PDS5A: variants seen among roughly 807,000 people sequenced by gnomAD.
PDS5A encodes the protein PDS5 cohesin associated factor A, also known as sister chromatid cohesion protein PDS5 homolog A.
Under a neutral mutation model 167.1 loss-of-function variants are expected in PDS5A, and 42 were observed. The ratio of observed to expected loss-of-function variants is 0.25; its 90% CI spans 0.20 to 0.33. PDS5A has a LOEUF of 0.33. PDS5A is among the 10% of genes least tolerant of loss of function. The pLI is 1.00. For synonymous variants in PDS5A, 553 were observed against 554.6 expected, an observed-to-expected ratio of 1.00 and a Z score of 0.04; for missense variants, 1,033 against 1,605.9, an observed-to-expected ratio of 0.64 and a Z score of 6.10.
At chr4:39,919,794 T>C (rs1389958414) in intron 7 of PDS5A, among the ~76,000 whole-genome samples, 5 of 151,854 alleles carry the variant, frequency 3.3e-5, no homozygotes, top group African/African-American at 1.2e-4. Context: ...CCAGAACAAA[T>C]TCCTCAGTAA....
At chr4:39,895,554 G>C (rs1451218151) in intron 16 of PDS5A, among the ~76,000 whole-genome samples, 1 of 152,210 alleles carries the variant, frequency 6.6e-6, no homozygotes, top group Non-Finnish European at 1.5e-5. Flanking sequence ...AGTAAGTGGT[G>C]AGTGAATGTG....
intron 10 of PDS5A, among the ~76,000 whole-genome samples, chr4:39,909,336 G>A (rs62309185): frequency 0.2 from 29,736 of 151,932 alleles, 3,427 homozygotes; most frequent in Middle Eastern, 0.28. Context: ...TGTTGGCCAG[G>A]CTAGTCTTGA....
intron 20 of PDS5A, among the ~76,000 whole-genome samples, 176 bp from the exon 21 acceptor site, chr4:39,873,320 T>C (rs1673330955): frequency 6.6e-6 from 1 of 151,900 alleles, no homozygotes; most frequent in South Asian, 2.1e-4. Context: ...ATTCACCTAC[T>C]AAAATTTAGC....
chr4:39,972,807 A>G (rs1730680537), intron 2 of PDS5A, among the ~76,000 whole-genome samples: 1 of 152,100 alleles, frequency 6.6e-6, no homozygotes, highest in Admixed American at 6.6e-5. Context: ...TCCACAGTAA[A>G]GATTACAAGG....
At chr4:39,902,906 C>G (rs551786113) in intron 12 of PDS5A, among the ~76,000 whole-genome samples, 9 of 152,174 alleles carry the variant, frequency 5.9e-5, no homozygotes, top group African/African-American at 1.9e-4. Context: ...TGGAAGATAT[C>G]AGTTTATAAT....
At chr4:39,940,673 T>G (rs1727140359) in intron 2 of PDS5A, among the ~76,000 whole-genome samples, 2 of 152,012 alleles carry the variant, frequency 1.3e-5, no homozygotes, top group African/African-American at 4.8e-5. Flanking sequence ...TTTATTTTAA[T>G]TTTTTGGAGA....
chr4:39,872,366 T>C (rs547174471), intron 21 of PDS5A, among the ~76,000 whole-genome samples: 1 of 152,046 alleles, frequency 6.6e-6, no homozygotes, highest in African/African-American at 2.4e-5. Flanking sequence ...CTAACAATGT[T>C]TGATAAAACA....
chr4:39,941,860 A>T (rs1727254184), intron 2 of PDS5A, among the ~76,000 whole-genome samples: 2 of 152,184 alleles, frequency 1.3e-5, no homozygotes, highest in Non-Finnish European at 2.9e-5. Flanking sequence ...GTTCAAGTTC[A>T]AGGCTGCAGT....
chr4:39,883,909 C>T (rs1370874737), intron 17 of PDS5A, among the ~76,000 whole-genome samples: 1 of 151,376 alleles, frequency 6.6e-6, no homozygotes, highest in Non-Finnish European at 1.5e-5. Flanking sequence ...GGATTTCTGG[C>T]GTGAGTCACC....
chr4:39,850,805 C>G (rs968274845), intron 26 of PDS5A, among the ~76,000 whole-genome samples: 2 of 152,216 alleles, frequency 1.3e-5, no homozygotes, highest in Middle Eastern at 3.2e-3. Flanking sequence ...AACCCCAAAT[C>G]AGGCTGAACA....
At chr4:39,888,856 CG>C (rs1437042963) in intron 17 of PDS5A, among the ~76,000 whole-genome samples, 1 of 152,070 alleles carries the variant, frequency 6.6e-6, no homozygotes, top group Non-Finnish European at 1.5e-5. Flanking sequence ...TTTTAGAGAT[CG>C]GTAGAGTGAC....
chr4:39,940,920 T>C (rs1453274670), intron 2 of PDS5A, among the ~76,000 whole-genome samples: 2 of 152,264 alleles, frequency 1.3e-5, no homozygotes, highest in Non-Finnish European at 2.9e-5. Flanking sequence ...TCCACCCGTC[T>C]TGGCCTCCCA....
intron 2 of PDS5A, among the ~76,000 whole-genome samples, chr4:39,934,771 T>G (rs1054487543): frequency 2.0e-5 from 3 of 151,884 alleles, no homozygotes; most frequent in Non-Finnish European, 4.4e-5. Context: ...ATTCCAGCAC[T>G]CTATAAATAT....
chr4:39,830,860 C>T (rs1382313642), intron 32 of PDS5A, among the ~76,000 whole-genome samples: 4 of 152,238 alleles, frequency 2.6e-5, no homozygotes, highest in Admixed American at 1.3e-4. Context: ...ATTTTGTTTG[C>T]ATGTACTACC....
intron 32 of PDS5A, among the ~76,000 whole-genome samples, chr4:39,825,926 A>G (rs1438528907): frequency 6.6e-6 from 1 of 152,106 alleles, no homozygotes. Flanking sequence ...AATCCTTAAA[A>G]AGTTTTTTCA....
Position 39,917,028 on chromosome 4 carries a change from AG to A in PDS5A, c.876+19del. On this transcript the variant is annotated intron_variant, in intron 8 of 32. Coordinates refer to ENST00000303538, the MANE Select transcript of PDS5A (RefSeq NM_001100399.2). ...AAACAAAAAAATTAAAAAAAAAAAA[AG>A]AAAACTGGTCAATCTTACCTTTAGT... 2 of 1,402,758 alleles carry A rather than the reference AG, an allele frequency of 1.4e-6. No homozygotes were observed. The highest frequency in any genetic ancestry group is 1.6e-5 in the South Asian group (1 of 63,452). The allele number at this position is 1,402,758 out of a possible 1,614,324, so 86.9% of individuals were successfully genotyped here.
intron 17 of PDS5A, 75 bp downstream of exon 17, chr4:39,890,174 G>A (rs1721840322): frequency 1.3e-6 from 1 of 793,054 alleles, no homozygotes; most frequent in African/African-American, 1.7e-5. Flanking sequence ...ATCTTTAGGA[G>A]CCCAGAATTT....
chr4:39,945,588 C>T (rs530354082), intron 2 of PDS5A, among the ~76,000 whole-genome samples: 5 of 151,560 alleles, frequency 3.3e-5, no homozygotes, highest in Non-Finnish European at 5.9e-5. Context: ...CTGAAATACA[C>T]ACATTATACT....
intron 32 of PDS5A, among the ~76,000 whole-genome samples, chr4:39,835,998 T>C (rs1716348017): frequency 6.6e-6 from 1 of 152,184 alleles, no homozygotes; most frequent in African/African-American, 2.4e-5. Flanking sequence ...AGGGAAACGT[T>C]CAACTTTTGT....
Sources: gnomAD v4.1 joint callset for allele counts (sites outside exome capture counted in the v4.1 genomes callset) on GRCh38, gnomAD v4.1.1 for gene constraint, MANE v1.5 for transcripts, NCBI Gene and HGNC (gene_info 2026-07-23, HGNC 2026-07-21) for gene names.